LEKR1: variants seen among roughly 807,000 people sequenced by gnomAD.
The protein encoded by LEKR1 is leucine, glutamate and lysine rich 1, also known as protein LEKR1.
In LEKR1, 59 loss-of-function variants were observed where a neutral mutation model predicts 72.4. That is an observed-to-expected ratio of 0.82 (90% CI 0.66 to 1.01). LEKR1 has a LOEUF of 1.01. Ranked by LOEUF, LEKR1 falls within the 50% of genes least tolerant of loss-of-function variation. LEKR1 has a pLI of 0.00. For synonymous variants in LEKR1, 257 were observed against 263.2 expected, an observed-to-expected ratio of 0.98 and a Z score of 0.23; for missense variants, 728 against 759.2, an observed-to-expected ratio of 0.96 and a Z score of 0.48.
chr3:157,015,989 A>C (rs1042901700), intron 10 of LEKR1, among the ~76,000 whole-genome samples: 1 of 152,120 alleles, frequency 6.6e-6, no homozygotes, highest in African/African-American at 2.4e-5. Context: ...GTGAACTTGA[A>C]GACACAGCAA....
At chr3:157,030,501 G>A (rs762310637) in intron 12 of LEKR1, among the ~76,000 whole-genome samples, 1 of 152,128 alleles carries the variant, frequency 6.6e-6, no homozygotes, top group Non-Finnish European at 1.5e-5. Flanking sequence ...CCAAAGGAAA[G>A]AATGATCTAA....
chr3:156,834,868 T>G (rs1236984817), intron 2 of LEKR1, among the ~76,000 whole-genome samples: 2 of 152,238 alleles, frequency 1.3e-5, no homozygotes, highest in African/African-American at 4.8e-5. Context: ...CAATAATCTT[T>G]AAAACTATAC....
At chr3:156,845,872 G>A (rs1198704710) in intron 2 of LEKR1, among the ~76,000 whole-genome samples, 1 of 152,166 alleles carries the variant, frequency 6.6e-6, no homozygotes, top group Non-Finnish European at 1.5e-5. Context: ...ATCTTGCTGA[G>A]ATTTTGATAG....
At chr3:156,972,780 G>GA (rs1729349193) in intron 6 of LEKR1, among the ~76,000 whole-genome samples, 1 of 150,636 alleles carries the variant, frequency 6.6e-6, no homozygotes, top group Non-Finnish European at 1.5e-5. Context: ...TTAAAATAGT[G>GA]AAAAATAAAA....
chr3:156,921,040 A>G (rs1358092764), intron 4 of LEKR1: 3 of 158,042 alleles, frequency 1.9e-5, no homozygotes, highest in Admixed American at 1.3e-4. Context: ...GAAAAGTAAT[A>G]GAATAAGAAA....
chr3:156,845,111 C>G (rs944575466), intron 2 of LEKR1, among the ~76,000 whole-genome samples: 2 of 151,938 alleles, frequency 1.3e-5, no homozygotes, highest in African/African-American at 4.8e-5. Flanking sequence ...TGTTGAATAT[C>G]TTTTCATGTG....
chr3:156,842,916 C>T (rs964002639), intron 2 of LEKR1, among the ~76,000 whole-genome samples: 3 of 152,108 alleles, frequency 2.0e-5, no homozygotes, highest in Admixed American at 6.5e-5. Context: ...AATGTAAAAG[C>T]GGCCCATGGG....
In LEKR1 at chr3:157,045,605, T is replaced by C; in HGVS notation, c.1934T>C (p.Phe645Ser). ...NLRGVSKPTT[F>S]PTSDKPKRVR... ...CGCGGGGTGTCAAAACCCACCACTT[T>C]CCCAACCTCAGATAAGCCGAAGAGG... Residue 645 changes from phenylalanine to serine, a missense_variant, in exon 13 of 13, where the codon TTC (phenylalanine) becomes TCC (serine). Physicochemically the swap from Phe to Ser is radical, Grantham distance 155 (BLOSUM62 -2). Transcript: ENST00000356539. 1 of 1,614,106 alleles carries C rather than the reference T, an allele frequency of 6.2e-7. No homozygotes were observed. The highest frequency in any genetic ancestry group is 8.5e-7 in the Non-Finnish European group (1 of 1,180,022).
chr3:156,872,059 G>A (rs62275178), intron 3 of LEKR1, among the ~76,000 whole-genome samples: 4,830 of 151,184 alleles, frequency 0.032, 118 homozygotes, highest in Non-Finnish European at 0.048. Flanking sequence ...CAGTGAAACT[G>A]TCTGGTCCTG....
intron 3 of LEKR1, among the ~76,000 whole-genome samples, chr3:156,878,770 A>G (rs926641468): frequency 3.9e-5 from 6 of 152,042 alleles, no homozygotes; most frequent in Non-Finnish European, 7.4e-5. Flanking sequence ...ATTCCCATTC[A>G]TAGTGGGAGG....
At chr3:156,887,620 T>TCACC in intron 3 of LEKR1, among the ~76,000 whole-genome samples, 1 of 151,896 alleles carries the variant, frequency 6.6e-6, no homozygotes. Context: ...AGTTCCCTGG[T>TCACC]AATTGCTCAG....
chr3:157,040,225 T>A (rs1735251599), intron 12 of LEKR1, among the ~76,000 whole-genome samples: 1 of 152,230 alleles, frequency 6.6e-6, no homozygotes, highest in South Asian at 2.1e-4. Flanking sequence ...TAAATCTAAA[T>A]TAAGTTGGAT....
chr3:156,857,614 C>T (rs942026655), intron 3 of LEKR1, among the ~76,000 whole-genome samples: 7 of 152,124 alleles, frequency 4.6e-5, no homozygotes, highest in African/African-American at 1.7e-4. Flanking sequence ...GTGAAATGCA[C>T]TAATGAATGT....
chr3:156,827,058 G>A (rs1011084589), intron 1 of LEKR1: 1 of 153,130 alleles, frequency 6.5e-6, no homozygotes, highest in Non-Finnish European at 1.5e-5. Flanking sequence ...GTCCACATAC[G>A]TGCAATGAGA....
At position 156,878,729 on chromosome 3, in the gene LEKR1, C is replaced by T. The variant is rs981202597; in HGVS notation, c.263+25747C>T. Reference sequence around the variant, plus strand: ...GTGATATGGTTTGGCTGTGTCCCCACCCAATCTCATCTTGAATTGTAGCTC... The same window carrying T: ...GTGATATGGTTTGGCTGTGTCCCCATCCAATCTCATCTTGAATTGTAGCTC... On this transcript the variant is annotated intron_variant, in intron 3 of 12. Coordinates refer to ENST00000356539, the MANE Select transcript of LEKR1 (RefSeq NM_001004316.3). 2.6e-5 allele frequency among the ~76,000 whole-genome samples: 4 copies of T among 151,988 alleles called. No individual in the cohort carries two copies. In the East Asian group the frequency reaches 7.7e-4, roughly 29 times the overall value.
At chr3:156,983,865 G>T (rs866511428) in intron 7 of LEKR1, among the ~76,000 whole-genome samples, 1 of 152,066 alleles carries the variant, frequency 6.6e-6, no homozygotes, top group Admixed American at 6.6e-5. Context: ...GCAAACAGAG[G>T]ATCTTAAGTC....
chr3:157,022,260 G>A (rs1206188474), intron 10 of LEKR1, among the ~76,000 whole-genome samples: 2 of 152,128 alleles, frequency 1.3e-5, no homozygotes, highest in South Asian at 2.1e-4. Context: ...CCATATACAG[G>A]AGTTTTGATA....
intron 6 of LEKR1, among the ~76,000 whole-genome samples, chr3:156,960,562 A>G (rs1408685468): frequency 6.6e-6 from 1 of 152,232 alleles, no homozygotes; most frequent in Admixed American, 6.5e-5. Flanking sequence ...CTGGGATTAC[A>G]GGCGTGAGCC....
At chr3:156,882,313 C>A (rs1719476727) in intron 3 of LEKR1, among the ~76,000 whole-genome samples, 1 of 150,726 alleles carries the variant, frequency 6.6e-6, no homozygotes, top group Admixed American at 6.6e-5. Context: ...AAGAAAAAAA[C>A]AAACAACCCC....
Sources: allele counts gnomAD v4.1 joint callset (sites outside exome capture counted in the v4.1 genomes callset), GRCh38; gene constraint gnomAD v4.1.1; transcripts MANE v1.5; gene names NCBI Gene and HGNC (gene_info 2026-07-23, HGNC 2026-07-21).